MSL2: variants seen among roughly 807,000 people sequenced by gnomAD.
MSL2 encodes E3 ubiquitin-protein ligase MSL2.
MSL2 carries 2 observed loss-of-function variants against 35.8 expected under a neutral mutation model. That is an observed-to-expected ratio of 0.06 (90% CI 0.02 to 0.18). MSL2 has a LOEUF of 0.18. Ranked by LOEUF, MSL2 falls within the 10% of genes least tolerant of loss-of-function variation. The probability of loss-of-function intolerance (pLI) is 1.00; values close to 1 mark genes in which losing one functional copy is unlikely to be tolerated. For synonymous variants in MSL2, 296 were observed against 255.7 expected, an observed-to-expected ratio of 1.16 and a Z score of -1.50; for missense variants, 523 against 706.7, an observed-to-expected ratio of 0.74 and a Z score of 2.95.
intron 1 of MSL2, chr3:136,153,141 G>A (rs1050416341): frequency 2.5e-6 from 2 of 795,820 alleles, no homozygotes; most frequent in Non-Finnish European, 3.0e-6. Context: ...TCAGGAGGCT[G>A]AGGTGATGGC....
rs973675904 is a variant in MSL2, at chr3:136,150,558, A to G, written c.*589T>C. The G allele has an allele frequency of 6.5e-6, 1 of 152,724 alleles. No homozygotes were observed. The highest frequency in any genetic ancestry group is 2.4e-5 in the African/African-American group (1 of 41,448). The allele number at this position is 152,724 out of a possible 1,614,324, so 9.5% of individuals were successfully genotyped here. ...TTTACTTTTTAAAAAGATTTCTTAAACATTCTAATGAGGGGGAATTTTTTT... is the reference window on the plus strand; with the variant it reads ...TTTACTTTTTAAAAAGATTTCTTAAGCATTCTAATGAGGGGGAATTTTTTT... On this transcript the variant is annotated 3_prime_UTR_variant, in exon 2 of 2. Transcript: ENST00000309993.
chr3:136,155,110 G>A (rs1167576291), intron 1 of MSL2, among the ~76,000 whole-genome samples: 1 of 151,996 alleles, frequency 6.6e-6, no homozygotes, highest in African/African-American at 2.4e-5. Context: ...CGGGGGAGCT[G>A]AGGCAGGACA....
At chr3:136,187,234 A>G (rs959020484) in intron 1 of MSL2, among the ~76,000 whole-genome samples, 2 of 152,334 alleles carry the variant, frequency 1.3e-5, no homozygotes, top group South Asian at 4.1e-4. Context: ...AACACAATAC[A>G]TTTCAAATTA....
intron 1 of MSL2, among the ~76,000 whole-genome samples, chr3:136,185,139 T>G (rs1314554147): frequency 6.6e-6 from 1 of 151,996 alleles, no homozygotes; most frequent in Non-Finnish European, 1.5e-5. Flanking sequence ...CACACCCGGC[T>G]TATTTTTTGT....
chr3:136,187,730 T>C (rs756789963), intron 1 of MSL2, among the ~76,000 whole-genome samples: 18 of 152,106 alleles, frequency 1.2e-4, no homozygotes, highest in Admixed American at 5.9e-4. Flanking sequence ...ATTTCAGTTG[T>C]ATCACTATCC....
chr3:136,187,383 C>T (rs1465327246), intron 1 of MSL2, among the ~76,000 whole-genome samples: 1 of 152,128 alleles, frequency 6.6e-6, no homozygotes, highest in Non-Finnish European at 1.5e-5. Flanking sequence ...CCATATTTGG[C>T]CAGGCGCAGT....
rs1940817052 is a variant in MSL2, at chr3:136,195,608, G to A, written c.-495C>T. ...CCATCCCAGTACAGGGCGCGGAGGC[G>A]GCGGCGACGGCAAGGACGACGGTCG... On this transcript the variant is annotated 5_prime_UTR_variant, in exon 1 of 2. Transcript: ENST00000309993. The A allele has an allele frequency of 1.0e-6, 1 of 980,676 alleles. No homozygotes were observed. Among genetic ancestry groups the A allele is most frequent in the Non-Finnish European group, 1.2e-6 (1 of 825,298 alleles). 60.7% of individuals were successfully genotyped at this position (980,676 alleles called of 1,614,324 possible). A position where few individuals can be genotyped will look rare whatever the true frequency, so the allele number is the denominator to read the frequency against.
chr3:136,158,800 T>C (rs1939608656), intron 1 of MSL2, among the ~76,000 whole-genome samples: 1 of 152,208 alleles, frequency 6.6e-6, no homozygotes, highest in African/African-American at 2.4e-5. Context: ...AAAAGTCCAC[T>C]GCATTTTCCA....
chr3:136,195,036 C>A lies in MSL2; in HGVS notation c.78G>T (p.Lys26Asn), dbSNP rs142711366. 3.7e-6 allele frequency: 6 copies of A among 1,614,080 alleles called. No homozygotes were observed. The East Asian group carries it at 1.3e-4, about 36-fold the overall frequency. Reference protein sequence around the residue: ...LVLNYDPGDPKAFTEINRLLP... With the variant: ...LVLNYDPGDPNAFTEINRLLP... ...AGAGCCTGTTAATCTCAGTAAACGC[C>A]TTGGGGTCTCCGGGGTCGTAGTTGA... The change falls in exon 1 of 2, where the codon AAG (lysine) becomes AAT (asparagine). Residue 26 changes from lysine (K) to asparagine (N), a missense_variant. This residue lies in a region of MSL2 where 45 missense variants were observed against 47.5 expected (regional missense o/e 0.95). Coordinates refer to ENST00000309993, the MANE Select transcript of MSL2 (RefSeq NM_018133.4).
At chr3:136,191,497 C>CCAGGAGCCA (rs1346839557) in intron 1 of MSL2, among the ~76,000 whole-genome samples, 1 of 149,842 alleles carries the variant, frequency 6.7e-6, no homozygotes, top group Non-Finnish European at 1.5e-5. Context: ...TCTTTTCAGG[C>CCAGGAGCCA]CAGGAGCCAC....
chr3:136,166,210 C>G (rs763179977), intron 1 of MSL2, among the ~76,000 whole-genome samples: 45 of 151,686 alleles, frequency 3.0e-4, no homozygotes, highest in Non-Finnish European at 5.2e-4. Context: ...ACAACATGGT[C>G]CAGGCTGTCT....
intron 1 of MSL2, among the ~76,000 whole-genome samples, chr3:136,192,671 T>C (rs975196163): frequency 2.0e-5 from 3 of 151,550 alleles, no homozygotes; most frequent in Non-Finnish European, 2.9e-5. Flanking sequence ...AAAACCACAG[T>C]TGAATAAAAG....
intron 1 of MSL2, among the ~76,000 whole-genome samples, chr3:136,176,606 C>T (rs1940189318): frequency 6.6e-6 from 1 of 150,896 alleles, no homozygotes; most frequent in Non-Finnish European, 1.5e-5. Context: ...AGGAGAATCA[C>T]TTGAGCCCAT....
intron 1 of MSL2, among the ~76,000 whole-genome samples, chr3:136,179,885 G>A (rs888886919): frequency 9.2e-5 from 14 of 152,158 alleles, no homozygotes; most frequent in African/African-American, 3.4e-4. Context: ...GGCCAACACG[G>A]TGAAACTCCA....
intron 1 of MSL2, among the ~76,000 whole-genome samples, chr3:136,181,986 A>G (rs1576372517): frequency 6.6e-6 from 1 of 151,976 alleles, no homozygotes; most frequent in African/African-American, 2.4e-5. Flanking sequence ...CTGAAGAAAA[A>G]AAAATTTTTT....
chr3:136,170,350 T>C (rs1939988782), intron 1 of MSL2, among the ~76,000 whole-genome samples: 1 of 69,242 alleles, frequency 1.4e-5, no homozygotes, highest in African/African-American at 9.4e-5. Context: ...CAAAAATCCC[T>C]CTCAAAAAAA....
At chr3:136,182,046 G>T (rs973601086) in intron 1 of MSL2, among the ~76,000 whole-genome samples, 2 of 151,968 alleles carry the variant, frequency 1.3e-5, no homozygotes, top group South Asian at 4.2e-4. Flanking sequence ...TGAAAACACT[G>T]AAGGCAAATT....
intron 1 of MSL2, among the ~76,000 whole-genome samples, chr3:136,193,084 TC>T (rs1284998078): frequency 1.3e-5 from 2 of 152,120 alleles, no homozygotes; most frequent in Non-Finnish European, 2.9e-5. Context: ...TCAGAAAAAT[TC>T]CCCTTGTGTT....
intron 1 of MSL2, among the ~76,000 whole-genome samples, chr3:136,169,568 C>A (rs1051373277): frequency 6.6e-6 from 1 of 152,174 alleles, no homozygotes; most frequent in East Asian, 2.0e-4. Context: ...CCTGCCTCAA[C>A]CTCCTGAGTA....
Sources: gnomAD v4.1 joint callset for allele counts (sites outside exome capture counted in the v4.1 genomes callset) on GRCh38, gnomAD v4.1.1 for gene constraint, gnomAD v4.1.1 regional missense constraint, MANE v1.5 for transcripts, NCBI Gene and HGNC (gene_info 2026-07-23, HGNC 2026-07-21) for gene names.